Variants in HUNK observed in about 807,000 individuals in gnomAD.
HUNK encodes the protein hormonally up-regulated Neu-associated kinase, also known as hormonally up-regulated neu tumor-associated kinase.
Under a neutral mutation model 61.0 loss-of-function variants are expected in HUNK, and 21 were observed. That is an observed-to-expected ratio of 0.34 (90% CI 0.24 to 0.50). HUNK has a LOEUF of 0.50. Among genes scored for constraint, HUNK ranks in the 20% least tolerant of loss-of-function variants. HUNK has a pLI of 0.98. For missense variants in HUNK, 772 were observed against 945.7 expected (o/e 0.82, Z 2.41); for synonymous variants, 371 against 386.1 (o/e 0.96, Z 0.46).
At position 31,999,043 on chromosome 21, in the gene HUNK, C is replaced by T. The variant is rs753871470; in HGVS notation, c.2004C>T (p.Ile668=). The part of the protein sequence containing the change: ...KSRGRFPMMG[I]GQMLRKRHQS... Reference sequence around the variant, plus strand: ...GAGGCCGGTTCCCTATGATGGGCATCGGACAGATGTTAAGGAAGCGCCATC... The same window carrying T: ...GAGGCCGGTTCCCTATGATGGGCATTGGACAGATGTTAAGGAAGCGCCATC... Residue 668 remains isoleucine (I), a synonymous_variant, in exon 11 of 11, where the codon ATC becomes ATT. Transcript: ENST00000270112. 35 of 1,614,208 alleles carry T rather than the reference C, an allele frequency of 2.2e-5. No homozygotes were observed. The highest frequency in any genetic ancestry group is 1.6e-4 in the East Asian group (7 of 44,874).
intron 1 of HUNK, among the ~76,000 whole-genome samples, chr21:31,912,181 G>T (rs949347157): frequency 4.6e-5 from 7 of 152,142 alleles, no homozygotes; most frequent in African/African-American, 1.7e-4. Context: ...TGGCCCTGTT[G>T]TTATCCAGGG....
At chr21:31,968,753 T>TGTGTGTGTGTGTGTGA (rs1292780745) in intron 6 of HUNK, among the ~76,000 whole-genome samples, 1 of 115,548 alleles carries the variant, frequency 8.7e-6, no homozygotes, top group Non-Finnish European at 2.0e-5. Flanking sequence ...TGTGTGTGTG[T>TGTGTGTGTGTGTGTGA]GAGAGAGAGA....
intron 4 of HUNK, among the ~76,000 whole-genome samples, chr21:31,958,600 G>A (rs562326643): frequency 9.9e-5 from 15 of 152,198 alleles, no homozygotes; most frequent in African/African-American, 2.9e-4. Context: ...GGCTGGTCTC[G>A]AACTCCTGAC....
At chr21:31,942,681 T>C (rs1167121103) in intron 3 of HUNK, among the ~76,000 whole-genome samples, 1 of 152,166 alleles carries the variant, frequency 6.6e-6, no homozygotes, top group Non-Finnish European at 1.5e-5. Context: ...CTGCTGGCAA[T>C]GGCTGGGTGG....
rs538121097 is a variant in HUNK, at chr21:31,924,810, G to A, written c.554+50G>A. ...TCGCTGACTGTGTGCTCCGTGGGTG[G>A]CACTGGGCTGTGGCACCCTCTGAGC... On this transcript the variant is annotated intron_variant, in intron 2 of 10. Coordinates refer to ENST00000270112, the MANE Select transcript of HUNK (RefSeq NM_014586.2). This position sits in a 1 kb window ranked among gnomAD's most constrained non-coding sequence, Gnocchi z 5.1. 1.5e-4 allele frequency: 218 copies of A among 1,496,668 alleles called. No individual in the cohort carries two copies. In the South Asian group the frequency reaches 2.7e-3, roughly 18 times the overall value. The allele number at this position is 1,496,668 out of a possible 1,614,324, so 92.7% of individuals were successfully genotyped here.
At chr21:31,956,891 T>C (rs1277267589) in intron 4 of HUNK, among the ~76,000 whole-genome samples, 2 of 152,206 alleles carry the variant, frequency 1.3e-5, no homozygotes, top group Non-Finnish European at 2.9e-5. Flanking sequence ...CGTTTTCCAC[T>C]AAACACACAC....
At chr21:31,943,324 C>T (rs887279277) in intron 3 of HUNK, among the ~76,000 whole-genome samples, 4 of 152,026 alleles carry the variant, frequency 2.6e-5, no homozygotes, top group African/African-American at 9.7e-5. Context: ...GAGTTTTGCA[C>T]TTCAGTATTC....
chr21:31,957,311 T>C (rs746117195), intron 4 of HUNK, among the ~76,000 whole-genome samples: 1 of 152,212 alleles, frequency 6.6e-6, no homozygotes, highest in Non-Finnish European at 1.5e-5. Context: ...CAGCAAGTAT[T>C]TGTGGAATGG....
intron 7 of HUNK, among the ~76,000 whole-genome samples, chr21:31,978,992 T>C (rs762769703): frequency 4.0e-4 from 61 of 152,228 alleles, no homozygotes; most frequent in Non-Finnish European, 8.1e-4. Context: ...CAACATGTGG[T>C]ATCTTCCATC....
At chr21:31,976,747 G>A (rs530678738) in intron 7 of HUNK, among the ~76,000 whole-genome samples, 145 of 150,424 alleles carry the variant, frequency 9.6e-4, no homozygotes, top group African/African-American at 3.4e-3. Flanking sequence ...GATTATAGGC[G>A]TGAGCCAAAG....
intron 2 of HUNK, among the ~76,000 whole-genome samples, chr21:31,932,243 G>T (rs2052703488): frequency 6.6e-6 from 1 of 152,100 alleles, no homozygotes; most frequent in Admixed American, 6.5e-5. Context: ...CTGCCTCTTT[G>T]CTCCACAGGG....
chr21:31,980,958 C>T (rs1402198218), intron 7 of HUNK, among the ~76,000 whole-genome samples: 4 of 152,216 alleles, frequency 2.6e-5, no homozygotes, highest in Admixed American at 1.3e-4. Context: ...CCTGCCTTGG[C>T]CTCCCAAAGT....
At chr21:31,892,156 A>ATAT (rs1368618778) in intron 1 of HUNK, among the ~76,000 whole-genome samples, 12 of 111,960 alleles carry the variant, frequency 1.1e-4, no homozygotes, top group South Asian at 2.8e-4. Flanking sequence ...GTTAAAAAAA[A>ATAT]AAAAAAATAT....
chr21:31,999,261 C>A lies in HUNK; in HGVS notation c.*77C>A. On this transcript the variant is annotated 3_prime_UTR_variant, in exon 11 of 11. Transcript: ENST00000270112. Reference sequence around the variant, plus strand: ...CTCCACACATCTGTCAGGGTGTGAGCACTCCAAGGCCTCGCGTGGAGCATC... The same window carrying A: ...CTCCACACATCTGTCAGGGTGTGAGAACTCCAAGGCCTCGCGTGGAGCATC... 1 of 1,320,096 alleles carries A rather than the reference C, an allele frequency of 7.6e-7. No individual in the cohort carries two copies. Among genetic ancestry groups the A allele is most frequent in the Non-Finnish European group, 1.0e-6 (1 of 953,180 alleles). The allele number at this position is 1,320,096 out of a possible 1,614,324, so 81.8% of individuals were successfully genotyped here.
At chr21:31,885,797 C>T (rs1000243468) in intron 1 of HUNK, among the ~76,000 whole-genome samples, 6 of 152,068 alleles carry the variant, frequency 3.9e-5, no homozygotes, top group Non-Finnish European at 7.4e-5. Context: ...TGTAGTGGCA[C>T]AATCTTGGCT....
At chr21:31,990,030 A>G (rs2053161115) in intron 8 of HUNK, 99 bp from the exon 9 acceptor site, 2 of 1,116,484 alleles carry the variant, frequency 1.8e-6, no homozygotes, top group Admixed American at 1.7e-5. Flanking sequence ...ACCGAAACGA[A>G]TAATTCTCAA....
chr21:31,976,192 C>T (rs1210441763), intron 7 of HUNK, among the ~76,000 whole-genome samples: 2 of 152,140 alleles, frequency 1.3e-5, no homozygotes, highest in Non-Finnish European at 2.9e-5. Flanking sequence ...ACAGAGTCAA[C>T]GCTTTGAGTT....
chr21:32,001,356 A>G lies in HUNK; in HGVS notation c.*2172A>G, dbSNP rs1385700048. ...CATCTCTCCATTCGACATGAAGTGT[A>G]CCTTTTCTAAAGACGGTTTCCAGCT... On this transcript the variant is annotated 3_prime_UTR_variant, in exon 11 of 11. Coordinates refer to ENST00000270112, the MANE Select transcript of HUNK (RefSeq NM_014586.2). The G allele has an allele frequency of 6.6e-6, 1 of 152,164 alleles. No individual in the cohort carries two copies. Among genetic ancestry groups the G allele is most frequent in the Non-Finnish European group, 1.5e-5 (1 of 68,032 alleles). 9.4% of individuals were successfully genotyped at this position (152,164 alleles called of 1,614,324 possible). A position where few individuals can be genotyped will look rare whatever the true frequency, so the allele number is the denominator to read the frequency against.
intron 4 of HUNK, among the ~76,000 whole-genome samples, chr21:31,950,488 G>T (rs1256899521): frequency 6.6e-6 from 1 of 152,184 alleles, no homozygotes; most frequent in African/African-American, 2.4e-5. Flanking sequence ...GTTCCAGGCA[G>T]AGGGAACAGC....
Sources: allele counts gnomAD v4.1 joint callset (sites outside exome capture counted in the v4.1 genomes callset), GRCh38; gene constraint gnomAD v4.1.1; non-coding constraint Gnocchi (gnomAD v3.1); transcripts MANE v1.5; gene names NCBI Gene and HGNC (gene_info 2026-07-23, HGNC 2026-07-21).